KLF15: variants seen among roughly 807,000 people sequenced by gnomAD.
KLF15 encodes the protein KLF transcription factor 15, also known as Krueppel-like factor 15.
A neutral mutation model predicts 24.6 loss-of-function variants in KLF15; 4 were observed. The ratio of observed to expected loss-of-function variants is 0.16; its 90% CI spans 0.08 to 0.37. The LOEUF is 0.37. KLF15 is among the 10% of genes least tolerant of loss of function. The probability of loss-of-function intolerance (pLI) is 1.00; values close to 1 mark genes in which losing one functional copy is unlikely to be tolerated. For synonymous variants in KLF15, 246 were observed against 236.3 expected (o/e 1.04, Z -0.37); for missense variants, 496 against 560.6 (o/e 0.88, Z 1.16).
chr3:126,356,783 T>C lies in KLF15; in HGVS notation c.-26+454A>G, dbSNP rs529967532. Among the ~76,000 whole-genome samples, 275 of 151,852 alleles carry C rather than the reference T, an allele frequency of 1.8e-3. 3 individuals carry two copies. Among genetic ancestry groups the C allele is most frequent in the East Asian group, 7.7e-3 (39 of 5,086 alleles). The stretch of plus-strand genomic sequence containing the variant: ...CTGGACCGCTGCCCGCTGGGCACCA[T>C]GCCCTCGTCCCACGCCCCCCCCTTG... On this transcript the variant is annotated intron_variant, in intron 1 of 2. Coordinates refer to ENST00000296233, the MANE Select transcript of KLF15 (RefSeq NM_014079.4). This position sits in a 1 kb window ranked among gnomAD's most constrained non-coding sequence, Gnocchi z 4.4.
At chr3:126,357,124 G>C (rs2082640113) in intron 1 of KLF15, 113 bp downstream of exon 1, 1 of 151,716 alleles carries the variant, frequency 6.6e-6, no homozygotes, top group Non-Finnish European at 1.5e-5. Context: ...GCACTCGCGC[G>C]GTGCCTCCGA....
chr3:126,316,537 G>GGGCCGGAGTAGGGGAGGGAGTACACA, the KLF15 span, among the ~76,000 whole-genome samples: 3 of 63,972 alleles, frequency 4.7e-5, no homozygotes, highest in East Asian at 6.9e-4. Context: ...GGGAGTACAT[G>GGGCCGGAGTAGGGGAGGGAGTACACA]GGCCGGAGTG....
the KLF15 span, among the ~76,000 whole-genome samples, chr3:126,324,755 C>CTTT: frequency 6.1e-4 from 67 of 109,866 alleles, 1 homozygote; most frequent in Non-Finnish European, 4.4e-4. Flanking sequence ...GTGATGTTAA[C>CTTT]TTTTTTTTTT....
the KLF15 span, among the ~76,000 whole-genome samples, chr3:126,298,810 G>A: frequency 6.6e-6 from 1 of 152,066 alleles, no homozygotes; most frequent in Non-Finnish European, 1.5e-5. Context: ...TCTCTATTCT[G>A]TTCCATTGGT....
the KLF15 span, among the ~76,000 whole-genome samples, chr3:126,335,976 TATC>T: frequency 6.7e-6 from 1 of 148,692 alleles, no homozygotes; most frequent in Admixed American, 6.7e-5. Flanking sequence ...GAAGAATCAA[TATC>T]GTGAAAATGG....
the KLF15 span, among the ~76,000 whole-genome samples, chr3:126,317,485 C>G: frequency 6.6e-6 from 1 of 152,208 alleles, no homozygotes; most frequent in South Asian, 2.1e-4. Flanking sequence ...AGCATACACA[C>G]TAAGAGGCAA....
chr3:126,316,637 G>A, the KLF15 span, among the ~76,000 whole-genome samples: 17 of 146,612 alleles, frequency 1.2e-4, no homozygotes, highest in African/African-American at 2.5e-4. Context: ...GGCTGGGAGT[G>A]CATGGGCCAG....
Position 126,352,370 on chromosome 3 carries a change from C to T in KLF15, c.553G>A (p.Gly185Arg). 1 of 1,609,932 alleles carries T rather than the reference C, an allele frequency of 6.2e-7. No homozygotes were observed. The highest frequency in any genetic ancestry group is 1.3e-5 in the African/African-American group (1 of 74,846). The change falls in exon 2 of 3, where the codon GGG becomes AGG. Residue 185 changes from glycine to arginine, a missense_variant. This residue lies in a region of KLF15 where 399 missense variants were observed against 423.1 expected (regional missense o/e 0.94). Coordinates refer to ENST00000296233, the MANE Select transcript of KLF15 (RefSeq NM_014079.4). ...AGPHKSHLHP[G>R]SSGRERCSPP... The stretch of plus-strand genomic sequence containing the variant: ...GAACAGCGCTCTCTCCCGCTGGACC[C>T]AGGATGGAGGTGGCTCTTGTGTGGC...
At chr3:126,351,813 G>C in intron 2 of KLF15, 28 bp downstream of exon 2, 1 of 1,598,808 alleles carries the variant, frequency 6.3e-7, no homozygotes, top group Non-Finnish European at 8.5e-7. Flanking sequence ...TGTGCTCACT[G>C]CCCAGGCCTG....
chr3:126,335,969 G>C, the KLF15 span, among the ~76,000 whole-genome samples: 485 of 149,380 alleles, frequency 3.2e-3, 2 homozygotes, highest in Middle Eastern at 6.8e-3. Flanking sequence ...TGGGCAGGAA[G>C]AATCAATATC....
intron 1 of KLF15, among the ~76,000 whole-genome samples, chr3:126,355,995 G>C (rs975652284): frequency 2.6e-5 from 4 of 152,204 alleles, no homozygotes; most frequent in Admixed American, 1.3e-4. Flanking sequence ...ACGCTGTTCC[G>C]GGCACAGTCC....
chr3:126,312,170 G>A, the KLF15 span, among the ~76,000 whole-genome samples: 2 of 152,162 alleles, frequency 1.3e-5, no homozygotes, highest in African/African-American at 4.8e-5. Context: ...TTGTATCTAA[G>A]AACCTGAGTC....
chr3:126,311,598 A>G, the KLF15 span, among the ~76,000 whole-genome samples: 2 of 152,052 alleles, frequency 1.3e-5, no homozygotes, highest in Non-Finnish European at 2.9e-5. Flanking sequence ...GAGCCAGCTC[A>G]CTCACAAGCT....
chr3:126,309,908 C>A, the KLF15 span, among the ~76,000 whole-genome samples: 1 of 152,222 alleles, frequency 6.6e-6, no homozygotes, highest in Non-Finnish European at 1.5e-5. Flanking sequence ...ATTTGAGCAA[C>A]AAGGTATACA....
the KLF15 span, among the ~76,000 whole-genome samples, chr3:126,306,560 G>T: frequency 0.42 from 64,107 of 152,110 alleles, 13,778 homozygotes; most frequent in African/African-American, 0.46. Flanking sequence ...AATGGCTGTT[G>T]TCTTTAACAT....
At chr3:126,316,010 C>T in the KLF15 span, among the ~76,000 whole-genome samples, 1 of 152,180 alleles carries the variant, frequency 6.6e-6, no homozygotes, top group African/African-American at 2.4e-5. Context: ...ACTCTAGAGT[C>T]AAATCCCACT....
the KLF15 span, among the ~76,000 whole-genome samples, chr3:126,313,392 C>T: frequency 0.031 from 4,791 of 152,270 alleles, 250 homozygotes; most frequent in African/African-American, 0.11. Context: ...ATACAAGGGC[C>T]CATCCTACTC....
At chr3:126,346,163 C>G (rs980113213) in intron 2 of KLF15, among the ~76,000 whole-genome samples, 1 of 152,194 alleles carries the variant, frequency 6.6e-6, no homozygotes, top group African/African-American at 2.4e-5. Context: ...AAGCTGACAC[C>G]TGTGCTCCTG....
At chr3:126,331,991 G>C in the KLF15 span, among the ~76,000 whole-genome samples, 1 of 152,222 alleles carries the variant, frequency 6.6e-6, no homozygotes, top group South Asian at 2.1e-4. Context: ...GCGAGGCTGG[G>C]GGAGGGGCGC....
Sources: allele counts gnomAD v4.1 joint callset (sites outside exome capture counted in the v4.1 genomes callset), GRCh38; gene constraint gnomAD v4.1.1; regional missense constraint gnomAD v4.1.1; non-coding constraint Gnocchi (gnomAD v3.1); transcripts MANE v1.5; gene names NCBI Gene and HGNC (gene_info 2026-07-23, HGNC 2026-07-21).